The following HDGFL2 variants were observed in gnomAD, a reference collection of about 807,000 sequenced individuals.
HDGFL2 encodes the protein hepatoma-derived growth factor-related protein 2.
In HDGFL2, 36 loss-of-function variants were observed where a neutral mutation model predicts 77.1. That is an observed-to-expected ratio of 0.47 (90% confidence interval 0.36 to 0.62). HDGFL2 has a LOEUF of 0.62. HDGFL2 is among the 20% of genes least tolerant of loss of function. HDGFL2 has a pLI of 0.00. For missense variants in HDGFL2, 976 were observed against 973.4 expected, an observed-to-expected ratio of 1.00 and a Z score of -0.04; for synonymous variants, 463 against 413.1, an observed-to-expected ratio of 1.12 and a Z score of -1.46.
At chr19:4,483,387 C>T (rs1237138489) in intron 3 of HDGFL2, among the ~76,000 whole-genome samples, 1 of 152,182 alleles carries the variant, frequency 6.6e-6, no homozygotes, top group African/African-American at 2.4e-5. Context: ...TGGAGGGAGC[C>T]GGGAAACTGA....
In HDGFL2 at chr19:4,498,846, G is replaced by A. The variant is rs757017910; in HGVS notation, c.1506G>A (p.Glu502=). 1.9e-6 allele frequency: 3 copies of A among 1,611,552 alleles called. No homozygotes were observed. The highest frequency in any genetic ancestry group is 2.7e-5 in the African/African-American group (2 of 74,868). Reference sequence around the variant, plus strand: ...AGAGGTGCCTGAATGCCCTAGAGGAGCTGGGAACCCTGCAGGTGACCTCTC... The same window carrying A: ...AGAGGTGCCTGAATGCCCTAGAGGAACTGGGAACCCTGCAGGTGACCTCTC... ...DVKRCLNALE[E]LGTLQVTSQI... The change falls in exon 13 of 16, where the codon GAG becomes GAA. Residue 502 remains glutamate, a synonymous_variant. Coordinates refer to ENST00000616600, the MANE Select transcript of HDGFL2 (RefSeq NM_001001520.3).
chr19:4,483,580 C>T (rs954553999), intron 3 of HDGFL2, among the ~76,000 whole-genome samples: 1 of 152,064 alleles, frequency 6.6e-6, no homozygotes, highest in Non-Finnish European at 1.5e-5. Context: ...CTTGCCCGGC[C>T]GCAACACCCG....
chr19:4,486,983 T>C (rs909426979), intron 3 of HDGFL2, among the ~76,000 whole-genome samples: 3 of 152,030 alleles, frequency 2.0e-5, no homozygotes, highest in Non-Finnish European at 4.4e-5. Context: ...TTTTTTTTTT[T>C]GAGACGGAGT....
At chr19:4,474,514 G>T (rs1323226845) in intron 1 of HDGFL2, among the ~76,000 whole-genome samples, 3 of 152,068 alleles carry the variant, frequency 2.0e-5, no homozygotes, top group Admixed American at 2.0e-4. Context: ...AAGATCGGGA[G>T]CCCCCTAGAA....
chr19:4,478,234 G>A (rs374329196), intron 3 of HDGFL2, among the ~76,000 whole-genome samples: 59 of 147,502 alleles, frequency 4.0e-4, no homozygotes, highest in Admixed American at 1.8e-3. Flanking sequence ...ATGGAGTCTC[G>A]CTCTGTCGCC....
chr19:4,493,905 C>T (rs1370504457), intron 7 of HDGFL2, 43 bp downstream of exon 7: 5 of 1,518,424 alleles, frequency 3.3e-6, no homozygotes, highest in Non-Finnish European at 4.4e-6. Flanking sequence ...TGGCCCCTGC[C>T]GGGGCGCTCC....
At position 4,501,384 on chromosome 19, in the gene HDGFL2, G is replaced by A. The variant is rs534374744; in HGVS notation, c.1916+67G>A. 2.8e-5 allele frequency: 43 copies of A among 1,511,558 alleles called. 1 individual carries two copies. The highest frequency in any genetic ancestry group is 2.8e-4 in the South Asian group (22 of 77,768). 93.6% of individuals were successfully genotyped at this position (1,511,558 alleles called of 1,614,324 possible). A position where few individuals can be genotyped will look rare whatever the true frequency, so the allele number is the denominator to read the frequency against. On this transcript the variant is annotated intron_variant, in intron 15 of 15. Coordinates refer to ENST00000616600, the MANE Select transcript of HDGFL2 (RefSeq NM_001001520.3). The stretch of plus-strand genomic sequence containing the variant: ...GCGGTGTGACGCGCACCCTGGGTCC[G>A]AGCCGCTCCTCCTGTGCCAGTCCCT...
chr19:4,496,212 C>T (rs903115488), intron 9 of HDGFL2, 90 bp from the exon 10 acceptor site: 26 of 1,049,810 alleles, frequency 2.5e-5, no homozygotes, highest in South Asian at 1.1e-4. Context: ...CAGAAAGGGT[C>T]GAGCTGCATC....
chr19:4,495,554 A>C (rs1223861091), intron 9 of HDGFL2, among the ~76,000 whole-genome samples: 1 of 151,848 alleles, frequency 6.6e-6, no homozygotes, highest in Admixed American at 6.6e-5. Context: ...GCTGGAGTGG[A>C]GGGAGGAGGG....
chr19:4,486,007 C>G (rs182523405), intron 3 of HDGFL2, among the ~76,000 whole-genome samples: 2 of 142,228 alleles, frequency 1.4e-5, no homozygotes, highest in South Asian at 2.4e-4. Context: ...GAGTCGTGAT[C>G]GCGCCACTGC....
rs556590987 is a variant in HDGFL2, at chr19:4,494,269, C to T, written c.1018C>T (p.Arg340Trp). Residue 340 changes from arginine to tryptophan, a missense_variant, in exon 9 of 16, where the codon CGG becomes TGG. By Grantham distance (101) the Arg-to-Trp change is moderately radical. Coordinates refer to ENST00000616600, the MANE Select transcript of HDGFL2 (RefSeq NM_001001520.3). The stretch of plus-strand genomic sequence containing the variant: ...GCGGCGAGAGCAGGAGGAGGAGCTG[C>T]GGCGCCTGCGGGAGCAGGAGAAGGA... The part of the protein sequence containing the change: ...RRRREQEEEL[R>W]RLREQEKEEK... 19 of 1,452,412 alleles carry T rather than the reference C, an allele frequency of 1.3e-5. No individual in the cohort carries two copies. The South Asian group carries it at 1.7e-4, about 13-fold the overall frequency. 90.0% of individuals were successfully genotyped at this position (1,452,412 alleles called of 1,614,324 possible).
At chr19:4,476,924 TG>T (rs532686224) in intron 3 of HDGFL2, among the ~76,000 whole-genome samples, 1 of 148,362 alleles carries the variant, frequency 6.7e-6, no homozygotes, top group East Asian at 2.0e-4. Context: ...CAGGCTTAGC[TG>T]GGGGGGCATG....
At chr19:4,476,642 G>A (rs1315069596) in intron 3 of HDGFL2, among the ~76,000 whole-genome samples, 1 of 136,176 alleles carries the variant, frequency 7.3e-6, no homozygotes, top group Non-Finnish European at 1.6e-5. Context: ...GTGTAGATGT[G>A]AGCGTTCTCA....
chr19:4,478,783 G>C (rs1159551381), intron 3 of HDGFL2, among the ~76,000 whole-genome samples: 1 of 151,500 alleles, frequency 6.6e-6, no homozygotes, highest in Non-Finnish European at 1.5e-5. Context: ...CTGGGTTTAA[G>C]TGATTCTTCT....
At chr19:4,500,445 C>T (rs1975832382) in intron 14 of HDGFL2, among the ~76,000 whole-genome samples, 1 of 146,710 alleles carries the variant, frequency 6.8e-6, no homozygotes, top group Admixed American at 7.1e-5. Flanking sequence ...ACCACTATGC[C>T]CTGCTAATTT....
At chr19:4,484,311 T>C (rs1300869305) in intron 3 of HDGFL2, among the ~76,000 whole-genome samples, 6 of 151,386 alleles carry the variant, frequency 4.0e-5, no homozygotes. Flanking sequence ...CTCGAACTCC[T>C]GACCTCAGGT....
chr19:4,498,516 G>C lies in HDGFL2; in HGVS notation c.1473+140G>C, dbSNP rs999754799. The C allele has an allele frequency of 1.0e-5, 7 of 699,178 alleles. No homozygotes were observed. In the African/African-American group the frequency reaches 1.2e-4, roughly 12 times the overall value. The allele number at this position is 699,178 out of a possible 1,614,324, so 43.3% of individuals were successfully genotyped here. On this transcript the variant is annotated intron_variant, in intron 12 of 15. Transcript: ENST00000616600. ...AGGAGTCTGTTCCGGTTGCTAGTGAGCGCATGGGGTCTCCTGGCCAAGGGC... is the reference window on the plus strand; with the variant it reads ...AGGAGTCTGTTCCGGTTGCTAGTGACCGCATGGGGTCTCCTGGCCAAGGGC...
At chr19:4,481,335 C>T (rs570977790) in intron 3 of HDGFL2, among the ~76,000 whole-genome samples, 5 of 152,130 alleles carry the variant, frequency 3.3e-5, no homozygotes, top group Non-Finnish European at 7.4e-5. Context: ...GGACTACAGG[C>T]GCCCGCCACC....
At chr19:4,498,113 G>A (rs375443529) in intron 11 of HDGFL2, 82 bp downstream of exon 11, 6 of 1,335,086 alleles carry the variant, frequency 4.5e-6, no homozygotes, top group South Asian at 2.6e-5. Flanking sequence ...GGCCTGTCCC[G>A]CCTGTCCCTA....
Sources: allele counts gnomAD v4.1 joint callset (sites outside exome capture counted in the v4.1 genomes callset), GRCh38; gene constraint gnomAD v4.1.1; transcripts MANE v1.5; gene names NCBI Gene and HGNC (gene_info 2026-07-23, HGNC 2026-07-21).